MROH9: variants seen among roughly 807,000 people sequenced by gnomAD.
MROH9 encodes maestro heat-like repeat-containing protein family member 9.
A neutral mutation model predicts 98.2 loss-of-function variants in MROH9; 92 were observed. The ratio of observed to expected loss-of-function variants is 0.94; its 90% CI spans 0.79 to 1.11. The LOEUF (loss-of-function observed/expected upper bound fraction) is 1.11. Ranked by LOEUF, MROH9 falls within the 50% of genes most tolerant of loss-of-function variation. MROH9 has a pLI of 0.00. For synonymous variants in MROH9, 397 were observed against 368.9 expected (o/e 1.08, Z -0.87); for missense variants, 1,057 against 1,014.8 (o/e 1.04, Z -0.57).
intron 20 of MROH9, among the ~76,000 whole-genome samples, chr1:171,060,561 G>A (rs77683734): frequency 1.3e-5 from 2 of 152,266 alleles, no homozygotes; most frequent in East Asian, 1.9e-4. Context: ...AGGTCATGTC[G>A]TAGTGACACA....
At chr1:171,056,185 T>C (rs918171156) in intron 20 of MROH9, among the ~76,000 whole-genome samples, 9 of 152,184 alleles carry the variant, frequency 5.9e-5, no homozygotes, top group Non-Finnish European at 1.3e-4. Context: ...TTTGAGCTTC[T>C]TGGGAAAGGG....
intron 20 of MROH9, among the ~76,000 whole-genome samples, chr1:171,055,880 G>C (rs910561877): frequency 1.1e-4 from 17 of 152,148 alleles, no homozygotes; most frequent in Non-Finnish European, 2.2e-4. Flanking sequence ...AAGCAGTGTG[G>C]TGTGGTGGCC....
At chr1:170,937,042 C>T (rs1013036699) in intron 1 of MROH9, among the ~76,000 whole-genome samples, 1 of 152,192 alleles carries the variant, frequency 6.6e-6, no homozygotes, top group African/African-American at 2.4e-5. Flanking sequence ...AGGGTCTTCA[C>T]AATGCCTGGG....
chr1:171,037,494 G>GA (rs796474238), intron 20 of MROH9, among the ~76,000 whole-genome samples: 9 of 151,110 alleles, frequency 6.0e-5, no homozygotes, highest in Non-Finnish European at 1.0e-4. Context: ...CCTATTTTAG[G>GA]AAAAAAAAGA....
chr1:170,971,249 A>T (rs1650446117), intron 7 of MROH9, among the ~76,000 whole-genome samples: 2 of 152,192 alleles, frequency 1.3e-5, no homozygotes, highest in African/African-American at 2.4e-5. Context: ...TCTGCATTTT[A>T]AAAAAATGAA....
intron 8 of MROH9, among the ~76,000 whole-genome samples, chr1:170,978,088 AT>A (rs1650785026): frequency 1.3e-5 from 2 of 152,068 alleles, no homozygotes. Flanking sequence ...AGGAGTTTTC[AT>A]TTGCCCCCTT....
intron 20 of MROH9, 58 bp downstream of exon 20, chr1:171,025,478 G>T (rs1045460343): frequency 1.8e-6 from 2 of 1,117,258 alleles, no homozygotes; most frequent in Non-Finnish European, 2.6e-6. Context: ...GAATGGAGAA[G>T]AAACTAAAAG....
intron 17 of MROH9, among the ~76,000 whole-genome samples, chr1:171,017,913 C>A (rs1043772147): frequency 6.6e-6 from 1 of 151,332 alleles, no homozygotes; most frequent in Non-Finnish European, 1.5e-5. Context: ...CTGAACCCCT[C>A]GTGGGAGGGG....
rs1256549980 is a variant in MROH9 at position 170,965,227 on chromosome 1, G to A, written c.452G>A (p.Arg151Lys). The A allele has an allele frequency of 3.1e-6, 5 of 1,611,290 alleles. No homozygotes were observed. The highest frequency in any genetic ancestry group is 1.7e-5 in the Admixed American group (1 of 59,884). The change falls in exon 7 of 22, where the codon AGA becomes AAA. Residue 151 changes from arginine to lysine, a missense_variant. By Grantham distance (26) the Arg-to-Lys change is conservative. Transcript: ENST00000367759. Reference sequence around the variant, plus strand: ...ATGGTGATCATCAACAAGGTGTTAAGATTTACAGTCACAAAAGTCAGAAAA... The same window carrying A: ...ATGGTGATCATCAACAAGGTGTTAAAATTTACAGTCACAAAAGTCAGAAAA... ...RIMVIINKVL[R>K]FTVTKVRKYI...
At chr1:170,992,141 G>C (rs747062293) in intron 11 of MROH9, 23 bp from the exon 12 acceptor site, 1 of 1,573,546 alleles carries the variant, frequency 6.4e-7, no homozygotes, top group Non-Finnish European at 8.6e-7. Context: ...TTCTCATTGT[G>C]TGGGGTGGGG....
intron 20 of MROH9, among the ~76,000 whole-genome samples, chr1:171,057,093 C>T (rs571418405): frequency 3.9e-5 from 6 of 152,170 alleles, no homozygotes; most frequent in Non-Finnish European, 8.8e-5. Flanking sequence ...CCAGCAAGGG[C>T]ACAGCACTGG....
At chr1:171,015,911 A>G (rs1652306940) in intron 16 of MROH9, among the ~76,000 whole-genome samples, 1 of 152,234 alleles carries the variant, frequency 6.6e-6, no homozygotes, top group African/African-American at 2.4e-5. Flanking sequence ...GGTAAAATGT[A>G]GCGAAAGAAT....
intron 7 of MROH9, among the ~76,000 whole-genome samples, chr1:170,971,064 C>T (rs1379563335): frequency 3.9e-5 from 6 of 152,098 alleles, no homozygotes; most frequent in Non-Finnish European, 7.3e-5. Context: ...AAAGCAAATG[C>T]CTTTTCTACC....
intron 5 of MROH9, among the ~76,000 whole-genome samples, chr1:170,960,331 T>A (rs1004460019): frequency 3.3e-5 from 5 of 152,220 alleles, no homozygotes; most frequent in Non-Finnish European, 7.3e-5. Flanking sequence ...ATACTTTTAC[T>A]TTTTACTGGT....
intron 9 of MROH9, among the ~76,000 whole-genome samples, chr1:170,985,792 A>G (rs554476976): frequency 6.7e-6 from 1 of 148,740 alleles, no homozygotes; most frequent in South Asian, 2.2e-4. Context: ...ATTCCCTTCC[A>G]TCACCCCTCT....
intron 6 of MROH9, among the ~76,000 whole-genome samples, chr1:170,963,309 T>C (rs1353259755): frequency 6.6e-6 from 1 of 152,044 alleles, no homozygotes; most frequent in Non-Finnish European, 1.5e-5. Flanking sequence ...GAATGACTAT[T>C]CTTAAAAAGT....
At chr1:171,060,000 GAAAAT>G (rs1433930635) in intron 20 of MROH9, among the ~76,000 whole-genome samples, 1 of 151,488 alleles carries the variant, frequency 6.6e-6, no homozygotes, top group African/African-American at 2.4e-5. Context: ...GAAAGAGAAA[GAAAAT>G]AAATTTCTCT....
At chr1:171,024,369 T>A (rs1652632802) in intron 17 of MROH9, 26 bp from the exon 18 acceptor site, 1 of 1,547,596 alleles carries the variant, frequency 6.5e-7, no homozygotes, top group Non-Finnish European at 8.7e-7. Context: ...AATATTATCC[T>A]CAAATAAGGC....
chr1:170,945,541 A>T lies in MROH9; in HGVS notation c.-16A>T. 1 of 1,612,166 alleles carries T rather than the reference A, an allele frequency of 6.2e-7. No homozygotes were observed. Among genetic ancestry groups the T allele is most frequent in the Non-Finnish European group, 8.5e-7 (1 of 1,178,828 alleles). The stretch of plus-strand genomic sequence containing the variant: ...GCAGCATTACTAGTAGAAGACTTTA[A>T]TACACCTCTGTCAGCATGTTGACAA... On this transcript the variant is annotated 5_prime_UTR_variant, in exon 2 of 22. Transcript: ENST00000367759.
Sources: allele counts gnomAD v4.1 joint callset (sites outside exome capture counted in the v4.1 genomes callset), GRCh38; gene constraint gnomAD v4.1.1; transcripts MANE v1.5; gene names NCBI Gene and HGNC (gene_info 2026-07-23, HGNC 2026-07-21).